ABL1: variants seen among roughly 807,000 people sequenced by gnomAD.
ABL1 encodes tyrosine-protein kinase ABL1.
A neutral mutation model predicts 94.7 loss-of-function variants in ABL1; 11 were observed. The ratio of observed to expected loss-of-function variants is 0.12; its 90% CI spans 0.07 to 0.19. The LOEUF (loss-of-function observed/expected upper bound fraction) is 0.19, where lower values mean the gene tolerates loss of function less well. ABL1 is among the 10% of genes least tolerant of loss of function. ABL1 has a pLI of 1.00. For synonymous variants in ABL1, 656 were observed against 622.4 expected, an observed-to-expected ratio of 1.05 and a Z score of -0.80; for missense variants, 1,082 against 1,489.4, an observed-to-expected ratio of 0.73 and a Z score of 4.50.
intron 1 of ABL1, chr9:130,724,747 TA>T (rs34124679): frequency 0.1 from 31,080 of 307,878 alleles, 42 homozygotes; most frequent in South Asian, 0.13. Context: ...ACCCTGTCTT[TA>T]AAAAAAAAAA....
At chr9:130,831,946 T>A (rs1310866544), upstream of ABL1, among the ~76,000 whole-genome samples, 1 of 152,086 alleles carries the variant, frequency 6.6e-6, no homozygotes, top group East Asian at 1.9e-4. Flanking sequence ...TGCATACAGA[T>A]CATCTGGGAG....
Position 130,771,240 on chromosome 9 carries a change from G to GTGTATGTATGTA in ABL1, c.136+56802_136+56813dup, listed in dbSNP as rs60782706. 2.5e-3 allele frequency among the ~76,000 whole-genome samples: 376 copies of GTGTATGTATGTA among 151,802 alleles called. 2 individuals carry two copies. The highest frequency in any genetic ancestry group is 8.8e-3 in the African/African-American group (363 of 41,336). ...TGTATGTATGTATGTATGTGTGTGT[G>GTGTATGTATGTA]TGTATGTATGTATGTATGTATGTAT... On this transcript the variant is annotated intron_variant, in intron 1 of 10. Transcript: ENST00000372348.
intron 1 of ABL1, among the ~76,000 whole-genome samples, chr9:130,809,037 C>A (rs1321450887): frequency 3.3e-5 from 5 of 152,176 alleles, no homozygotes; most frequent in African/African-American, 9.7e-5. Flanking sequence ...CAGGCCCCAG[C>A]AGTCTCTCCT....
At chr9:130,733,408 T>C (rs1831690990) in intron 1 of ABL1, among the ~76,000 whole-genome samples, 1 of 152,096 alleles carries the variant, frequency 6.6e-6, no homozygotes, top group South Asian at 2.1e-4. Context: ...TTGCAAAGAA[T>C]ATCTCTTGTG....
chr9:130,865,337 A>C (rs531134915), intron 4 of ABL1, among the ~76,000 whole-genome samples: 49 of 152,360 alleles, frequency 3.2e-4, no homozygotes, highest in African/African-American at 1.1e-3. Context: ...GGTACTAAGC[A>C]ACTGCTAAAT....
chr9:130,811,994 G>GA (rs1446223767), intron 1 of ABL1, among the ~76,000 whole-genome samples: 2 of 148,790 alleles, frequency 1.3e-5, no homozygotes, highest in Non-Finnish European at 3.0e-5. Flanking sequence ...AACTAAACAG[G>GA]AAAAGCAAAC....
chr9:130,884,722 C>T lies in ABL1; in HGVS notation c.2432C>T (p.Pro811Leu). The T allele has an allele frequency of 1.2e-6, 2 of 1,612,552 alleles. No homozygotes were observed. The highest frequency in any genetic ancestry group is 2.2e-5 in the South Asian group (2 of 91,066). The change falls in exon 11 of 11, where the codon CCC becomes CTC. Residue 811 changes from proline to leucine, a missense_variant. Pro to Leu is a moderately conservative substitution (Grantham distance 98). Around this residue, in one of 7 missense-constraint regions of ABL1, gnomAD observed 780 missense variants for 835.8 expected, o/e 0.93. Coordinates refer to ENST00000318560, the MANE Select transcript of ABL1 (RefSeq NM_005157.6). The surrounding 1 kb of genome is among the most constrained non-coding windows in gnomAD (Gnocchi z 5.6). ...GAGTCCAGCCCGGGCTCCAGCCCGC[C>T]CAACCTGACTCCAAAACCCCTCCGG... The part of the protein sequence containing the change: ...IMESSPGSSP[P>L]NLTPKPLRRQ...
chr9:130,882,442 T>TCA (rs1443768262), intron 10 of ABL1, among the ~76,000 whole-genome samples: 2 of 152,190 alleles, frequency 1.3e-5, no homozygotes, highest in African/African-American at 2.4e-5. Context: ...GTACCTCTGT[T>TCA]GAGTTACAGG....
In ABL1 at chr9:130,738,099, G is replaced by A. The variant is rs192885186; in HGVS notation, c.136+23644G>A. ...CCCACCTCCACCTCCCAAAGTGCTG[G>A]GATTACAGGCATGAGCCACTGCAGT... is the stretch of plus-strand genomic sequence containing the variant. On this transcript the variant is annotated intron_variant, in intron 1 of 10. Transcript: ENST00000372348. Among the ~76,000 whole-genome samples the A allele has an allele frequency of 4.3e-4, 66 of 152,158 alleles. No individual in the cohort carries two copies. In the East Asian group the frequency reaches 7.2e-3, roughly 16 times the overall value.
rs148291465 is a variant in ABL1 at position 130,763,445 on chromosome 9, G to A, written c.136+48990G>A. Among the ~76,000 whole-genome samples the A allele has an allele frequency of 2.6e-5, 4 of 152,196 alleles. No individual in the cohort carries two copies. In the East Asian group the frequency reaches 7.7e-4, roughly 29 times the overall value. On this transcript the variant is annotated intron_variant, in intron 1 of 10. Coordinates refer to the ABL1 transcript ENST00000372348. Reference sequence around the variant, plus strand: ...ATTAAAAAGGACAGTCATGGTTCTTGCCCTTGAGGTCTGTTAGATCAGGAA... The same window carrying A: ...ATTAAAAAGGACAGTCATGGTTCTTACCCTTGAGGTCTGTTAGATCAGGAA...
intron 1 of ABL1, among the ~76,000 whole-genome samples, chr9:130,762,057 C>A (rs1398239727): frequency 6.0e-5 from 9 of 150,912 alleles, no homozygotes; most frequent in Non-Finnish European, 1.3e-4. Context: ...GCAGGAGAAT[C>A]ACTTGAACCT....
At chr9:130,719,739 A>G (rs1040785395) in intron 1 of ABL1, among the ~76,000 whole-genome samples, 1 of 152,196 alleles carries the variant, frequency 6.6e-6, no homozygotes, top group Non-Finnish European at 1.5e-5. Flanking sequence ...TGATCTTTCT[A>G]GAGTTGGTTA....
chr9:130,822,224 G>C (rs2132878861), intron 1 of ABL1, among the ~76,000 whole-genome samples: 1 of 152,234 alleles, frequency 6.6e-6, no homozygotes, highest in South Asian at 2.1e-4. Context: ...CACCCACCTT[G>C]GCCTCCCAAA....
intron 3 of ABL1, among the ~76,000 whole-genome samples, 170 bp downstream of exon 3, chr9:130,855,266 G>A (rs1219196610): frequency 4.6e-5 from 7 of 152,252 alleles, no homozygotes; most frequent in Middle Eastern, 3.4e-3. Flanking sequence ...TTGAGGATCC[G>A]TTCTGTGATA....
rs374701120 is a variant in ABL1, at chr9:130,748,787, G to T, written c.136+34332G>T. On this transcript the variant is annotated intron_variant, in intron 1 of 10. Transcript: ENST00000372348. ...AGACGGGGTTTCGCCATGTTGGCCA[G>T]GCTGGTCTCGAACTCCTGACCTCAT... Among the ~76,000 whole-genome samples, 6 of 152,070 alleles carry T rather than the reference G, an allele frequency of 3.9e-5. No individual in the cohort carries two copies. The East Asian group carries it at 1.2e-3, about 29-fold the overall frequency.
Position 130,880,028 on chromosome 9 carries a change from A to G in ABL1, c.1424-40A>G, listed in dbSNP as rs1225953772. 1 of 1,583,938 alleles carries G rather than the reference A, an allele frequency of 6.3e-7. No individual in the cohort carries two copies. The highest frequency in any genetic ancestry group is 1.3e-5 in the African/African-American group (1 of 74,384). The stretch of plus-strand genomic sequence containing the variant: ...AACTGCTAGCCCCGTATTGCTAGCC[A>G]GATCTCATGGATGATCTGACTTGGG... On this transcript the variant is annotated intron_variant, in intron 8 of 10. Coordinates refer to ENST00000318560, the MANE Select transcript of ABL1 (RefSeq NM_005157.6). This position sits in a 1 kb window ranked among gnomAD's most constrained non-coding sequence, Gnocchi z 4.4.
chr9:130,753,587 G>A (rs961435939), intron 1 of ABL1, among the ~76,000 whole-genome samples: 4 of 151,004 alleles, frequency 2.6e-5, no homozygotes, highest in South Asian at 2.1e-4. Context: ...CACCACAACC[G>A]GCCAATTTTT....
At chr9:130,745,406 CTG>C (rs1387231677) in intron 1 of ABL1, among the ~76,000 whole-genome samples, 1 of 151,836 alleles carries the variant, frequency 6.6e-6, no homozygotes, top group Non-Finnish European at 1.5e-5. Context: ...TAATTGTCAA[CTG>C]TGTAGGTGTT....
At position 130,734,219 on chromosome 9, in the gene ABL1, T is replaced by C. The variant is rs573250772; in HGVS notation, c.136+19764T>C. ...ATTTTTAATACTCTATTGAATATTC[T>C]TTTTTTTTTTTTGAGATGGAGTCTC... On this transcript the variant is annotated intron_variant, in intron 1 of 10. Coordinates refer to the ABL1 transcript ENST00000372348. 9.6e-4 allele frequency among the ~76,000 whole-genome samples: 37 copies of C among 38,510 alleles called. No individual in the cohort carries two copies. In the African/African-American group the frequency reaches 0.012, roughly 13 times the overall value. The allele number at this position is 38,510 out of a possible 152,430, so 25.3% of individuals were successfully genotyped here.
Sources: allele counts gnomAD v4.1 joint callset (sites outside exome capture counted in the v4.1 genomes callset), GRCh38; gene constraint gnomAD v4.1.1; regional missense constraint gnomAD v4.1.1; non-coding constraint Gnocchi (gnomAD v3.1); transcripts MANE v1.5; gene names NCBI Gene and HGNC (gene_info 2026-07-23, HGNC 2026-07-21).